Variants in SEMA3C observed in about 807,000 individuals in gnomAD.
SEMA3C encodes the protein semaphorin 3C, also known as semaphorin-3C.
Under a neutral mutation model 89.4 loss-of-function variants are expected in SEMA3C, and 47 were observed. That is an observed-to-expected ratio of 0.53 (90% CI 0.42 to 0.67). The LOEUF (loss-of-function observed/expected upper bound fraction) is 0.67. Ranked by LOEUF, SEMA3C falls within the 30% of genes least tolerant of loss-of-function variation. The pLI is 0.00. For missense variants in SEMA3C, 839 were observed against 929.1 expected (o/e 0.90, Z 1.26); for synonymous variants, 310 against 320.2 (o/e 0.97, Z 0.34).
chr7:80,755,240 A>G (rs1788038914), intron 15 of SEMA3C, among the ~76,000 whole-genome samples: 1 of 151,682 alleles, frequency 6.6e-6, no homozygotes, highest in Non-Finnish European at 1.5e-5. Context: ...TAAAATTATA[A>G]TTTGTGGTGG....
At chr7:80,876,640 T>C (rs934395543) in intron 2 of SEMA3C, among the ~76,000 whole-genome samples, 1 of 152,202 alleles carries the variant, frequency 6.6e-6, no homozygotes, top group African/African-American at 2.4e-5. Flanking sequence ...TAAGAAACAA[T>C]TAAAATATAA....
chr7:80,898,200 GA>G (rs1418534989), intron 2 of SEMA3C, among the ~76,000 whole-genome samples: 2 of 151,592 alleles, frequency 1.3e-5, no homozygotes, highest in African/African-American at 4.8e-5. Context: ...CCCGCGTGCC[GA>G]CGAAAAATAC....
intron 2 of SEMA3C, among the ~76,000 whole-genome samples, chr7:80,829,750 C>T (rs1304938248): frequency 1.3e-5 from 2 of 152,110 alleles, no homozygotes; most frequent in South Asian, 2.1e-4. Context: ...ATCAACGTAT[C>T]GTGACATTCA....
chr7:80,745,000 T>G lies in SEMA3C; in HGVS notation c.2150A>C (p.Gln717Pro). Residue 717 changes from glutamine to proline, a missense_variant, in exon 18 of 18, where the codon CAG becomes CCG. Coordinates refer to ENST00000265361, the MANE Select transcript of SEMA3C (RefSeq NM_006379.5). ...QYCKDTRQQH[Q>P]QGDESQKMRG... ...CATTTTCTGTGATTCATCTCCCTGC[T>G]GATGTTGCTGCCGAGTGTCTTTGCA... 1 of 1,614,116 alleles carries G rather than the reference T, an allele frequency of 6.2e-7. No homozygotes were observed. Among genetic ancestry groups the G allele is most frequent in the Non-Finnish European group, 8.5e-7 (1 of 1,179,988 alleles).
intron 17 of SEMA3C, among the ~76,000 whole-genome samples, chr7:80,746,746 T>TGTGTGTGTGG (rs1562855264): frequency 6.7e-6 from 1 of 150,092 alleles, no homozygotes; most frequent in African/African-American, 2.4e-5. Context: ...TGTGTGTGTG[T>TGTGTGTGTGG]GGAGGGGAGG....
At chr7:80,900,833 T>C (rs1244244643) in intron 2 of SEMA3C, among the ~76,000 whole-genome samples, 1 of 152,222 alleles carries the variant, frequency 6.6e-6, no homozygotes, top group Non-Finnish European at 1.5e-5. Flanking sequence ...ACACTATAAA[T>C]ACTCCATCAC....
At chr7:80,808,533 G>A (rs1335932606) in intron 6 of SEMA3C, among the ~76,000 whole-genome samples, 1 of 152,064 alleles carries the variant, frequency 6.6e-6, no homozygotes, top group African/African-American at 2.4e-5. Context: ...CGATATTCAA[G>A]CAATTCACTG....
chr7:80,825,656 C>A (rs188706447), intron 4 of SEMA3C, among the ~76,000 whole-genome samples: 7 of 152,146 alleles, frequency 4.6e-5, no homozygotes, highest in Non-Finnish European at 8.8e-5. Context: ...GCACATTCTG[C>A]CTATGGCAGT....
intron 17 of SEMA3C, among the ~76,000 whole-genome samples, chr7:80,746,766 G>C (rs1361818571): frequency 1.5e-5 from 2 of 129,912 alleles, no homozygotes; most frequent in Admixed American, 1.5e-4. Context: ...GAAAACTATA[G>C]AACATATTTG....
At chr7:80,908,484 G>A (rs966888608) in intron 2 of SEMA3C, among the ~76,000 whole-genome samples, 6 of 152,120 alleles carry the variant, frequency 3.9e-5, no homozygotes, top group African/African-American at 1.2e-4. Flanking sequence ...GATTCTGCTC[G>A]CTCTTTGGCA....
intron 2 of SEMA3C, among the ~76,000 whole-genome samples, chr7:80,852,356 T>C (rs1462733727): frequency 2.0e-5 from 3 of 152,268 alleles, no homozygotes; most frequent in South Asian, 4.1e-4. Flanking sequence ...TATTCACTTG[T>C]CTCTTCAAAA....
chr7:80,875,286 A>C (rs933294019), intron 2 of SEMA3C, among the ~76,000 whole-genome samples: 2 of 152,170 alleles, frequency 1.3e-5, no homozygotes, highest in African/African-American at 2.4e-5. Context: ...CATTATTCAA[A>C]ATCAGAAAAA....
chr7:80,773,575 T>TG (rs1788481365), intron 12 of SEMA3C, among the ~76,000 whole-genome samples: 1 of 152,168 alleles, frequency 6.6e-6, no homozygotes, highest in African/African-American at 2.4e-5. Flanking sequence ...GAAAGGATAC[T>TG]CACAAGCTAA....
intron 15 of SEMA3C, among the ~76,000 whole-genome samples, chr7:80,752,547 G>A (rs1456330349): frequency 6.6e-6 from 1 of 151,102 alleles, no homozygotes; most frequent in Non-Finnish European, 1.5e-5. Flanking sequence ...CCCAGGAGGT[G>A]GAGGTTGTGG....
chr7:80,812,912 G>C (rs1464981010), intron 5 of SEMA3C, among the ~76,000 whole-genome samples: 1 of 151,216 alleles, frequency 6.6e-6, no homozygotes, highest in Non-Finnish European at 1.5e-5. Flanking sequence ...TCAGGCTCTG[G>C]AGTGGCTAGG....
rs1027519589 is a variant in SEMA3C at position 80,894,268 on chromosome 7, A to T, written c.103+22411T>A. On this transcript the variant is annotated intron_variant, in intron 2 of 17. Transcript: ENST00000265361. ...CCTCGATTTTTAAAGAATATAAAGA[A>T]AACACAGTAAGTTAGATCTGTATAT... 3.9e-5 allele frequency among the ~76,000 whole-genome samples: 6 copies of T among 152,272 alleles called. No homozygotes were observed. The South Asian group carries it at 6.2e-4, about 16-fold the overall frequency.
At chr7:80,867,399 C>T (rs2116028825) in intron 2 of SEMA3C, among the ~76,000 whole-genome samples, 1 of 152,174 alleles carries the variant, frequency 6.6e-6, no homozygotes, top group Middle Eastern at 3.4e-3. Context: ...CCACTCTCGG[C>T]CTAACAAATT....
intron 6 of SEMA3C, among the ~76,000 whole-genome samples, chr7:80,809,028 C>T (rs1460863345): frequency 6.6e-6 from 1 of 152,122 alleles, no homozygotes; most frequent in Non-Finnish European, 1.5e-5. Context: ...TCACCCACCT[C>T]GGCCTCCCAA....
rs1391467320 is a variant in SEMA3C, at chr7:80,825,814, T to G, written c.327+1611A>C. Among the ~76,000 whole-genome samples the G allele has an allele frequency of 2.0e-5, 3 of 152,252 alleles. No individual in the cohort carries two copies. The East Asian group carries it at 5.8e-4, about 29-fold the overall frequency. ...CATTAGAGAATAAAAGAAAACAGTT[T>G]AATTCATCCACAATTATTAAAATAA... On this transcript the variant is annotated intron_variant, in intron 4 of 17. Transcript: ENST00000265361.
Sources: gnomAD v4.1 joint callset for allele counts (sites outside exome capture counted in the v4.1 genomes callset) on GRCh38, gnomAD v4.1.1 for gene constraint, MANE v1.5 for transcripts, NCBI Gene and HGNC (gene_info 2026-07-23, HGNC 2026-07-21) for gene names.